The following DLAT variants were observed in gnomAD, a reference collection of about 807,000 sequenced individuals.
DLAT encodes dihydrolipoamide S-acetyltransferase.
A neutral mutation model predicts 68.0 loss-of-function variants in DLAT; 43 were observed. That is an observed-to-expected ratio of 0.63 (90% CI 0.50 to 0.81). The LOEUF is 0.81. Ranked by LOEUF, DLAT falls within the 40% of genes least tolerant of loss-of-function variation. The probability of loss-of-function intolerance (pLI) is 0.00; values close to 1 mark genes in which losing one functional copy is unlikely to be tolerated. For synonymous variants in DLAT, 265 were observed against 288.6 expected (o/e 0.92, Z 0.83); for missense variants, 745 against 815.4 (o/e 0.91, Z 1.05).
At position 112,062,872 on chromosome 11, in the gene DLAT, A is replaced by G. The variant is rs1409913045; in HGVS notation, c.*337A>G. 1 of 282,308 alleles carries G rather than the reference A, an allele frequency of 3.5e-6. No homozygotes were observed. Among genetic ancestry groups the G allele is most frequent in the Non-Finnish European group, 6.9e-6 (1 of 144,658 alleles). The allele number at this position is 282,308 out of a possible 1,614,324, so 17.5% of individuals were successfully genotyped here. A position where few individuals can be genotyped will look rare whatever the true frequency, so the allele number is the denominator to read the frequency against. On this transcript the variant is annotated 3_prime_UTR_variant, in exon 14 of 14. Coordinates refer to ENST00000280346, the MANE Select transcript of DLAT (RefSeq NM_001931.5). ...TGGTTCCCTAAAGACAAGTACATAA[A>G]GGTGACCCTGATGAAACCTTGAAGT...
intron 7 of DLAT, among the ~76,000 whole-genome samples, chr11:112,041,194 A>G (rs782819034): frequency 6.6e-6 from 1 of 152,170 alleles, no homozygotes; most frequent in Non-Finnish European, 1.5e-5. Context: ...TTGTGTCACA[A>G]TTTCTTTGTA....
intron 7 of DLAT, among the ~76,000 whole-genome samples, chr11:112,040,827 A>G (rs1863014736): frequency 6.6e-6 from 1 of 152,162 alleles, no homozygotes; most frequent in African/African-American, 2.4e-5. Flanking sequence ...AATTTAGACA[A>G]GCAAAGAAGG....
chr11:112,027,734 C>T (rs1389881759), intron 2 of DLAT, among the ~76,000 whole-genome samples: 2 of 152,216 alleles, frequency 1.3e-5, no homozygotes, highest in African/African-American at 2.4e-5. Flanking sequence ...CCCGTCTCCA[C>T]CAAAAAAATA....
rs887357265 is a variant in DLAT, at chr11:112,051,913, T to C, written c.1514+564T>C. On this transcript the variant is annotated intron_variant, in intron 11 of 13. Transcript: ENST00000280346. This position sits in a 1 kb window ranked among gnomAD's most constrained non-coding sequence, Gnocchi z 4.3. ...TTAATAATACAATGGTATAGAGTAG[T>C]ATGGTACTCAGTGTGTCTCTTTTAT... 5.9e-5 allele frequency among the ~76,000 whole-genome samples: 9 copies of C among 152,174 alleles called. No individual in the cohort carries two copies. Among genetic ancestry groups the C allele is most frequent in the Non-Finnish European group, 1.2e-4 (8 of 68,038 alleles).
chr11:112,027,579 G>A (rs1262325791), intron 2 of DLAT, among the ~76,000 whole-genome samples: 2 of 152,130 alleles, frequency 1.3e-5, no homozygotes, highest in Non-Finnish European at 2.9e-5. Flanking sequence ...AGCGAGCCGA[G>A]ATCACGCCAC....
At position 112,028,777 on chromosome 11, in the gene DLAT, C is replaced by T. The variant is rs1338276738; in HGVS notation, c.507-15C>T. 3 of 1,614,138 alleles carry T rather than the reference C, an allele frequency of 1.9e-6. No individual in the cohort carries two copies. Among genetic ancestry groups the T allele is most frequent in the African/African-American group, 1.3e-5 (1 of 75,018 alleles). On this transcript the variant is annotated splice_polypyrimidine_tract_variant and intron_variant, in intron 3 of 13. Transcript: ENST00000280346. ...AATCTGCCCATTATATTTATGCATT[C>T]TTTCTCTTCCTTAGGCCTGAGGATA...
In DLAT at chr11:112,045,092, T is replaced by C. The variant is rs782585114; in HGVS notation, c.1198-46T>C. The C allele has an allele frequency of 6.8e-6, 10 of 1,467,310 alleles. No homozygotes were observed. The East Asian group carries it at 2.0e-4, about 30-fold the overall frequency. The allele number at this position is 1,467,310 out of a possible 1,614,324, so 90.9% of individuals were successfully genotyped here. A position where few individuals can be genotyped will look rare whatever the true frequency, so the allele number is the denominator to read the frequency against. ...GGCAGTCTTTCCCAGGTACTTACGC[T>C]AAGATTGAATCACAGTTACTAAGAG... On this transcript the variant is annotated intron_variant, in intron 8 of 13. Coordinates refer to ENST00000280346, the MANE Select transcript of DLAT (RefSeq NM_001931.5).
chr11:112,036,167 A>ATGTG (rs1311809853), intron 5 of DLAT, among the ~76,000 whole-genome samples: 2,170 of 82,480 alleles, frequency 0.026, 73 homozygotes, highest in African/African-American at 0.044. Context: ...GTGTGTATAT[A>ATGTG]TGTGTGTGTG....
intron 2 of DLAT, among the ~76,000 whole-genome samples, chr11:112,027,968 G>A (rs587682475): frequency 6.6e-6 from 1 of 150,776 alleles, no homozygotes; most frequent in South Asian, 2.1e-4. Context: ...TTGTTTTAAA[G>A]TAACGGAGAT....
chr11:112,057,551 T>C (rs1300295375), intron 11 of DLAT, among the ~76,000 whole-genome samples: 1 of 152,164 alleles, frequency 6.6e-6, no homozygotes, highest in Non-Finnish European at 1.5e-5. Context: ...TTTTGAGTGG[T>C]CTAGATAAAA....
chr11:112,059,790 AACAC>A, intron 11 of DLAT, 109 bp from the exon 12 acceptor site: 1 of 842,150 alleles, frequency 1.2e-6, no homozygotes. Flanking sequence ...GCTGAACAAT[AACAC>A]ACATTGGTTC....
Position 112,064,130 on chromosome 11 carries a change from G to T in DLAT, c.*1595G>T. On this transcript the variant is annotated 3_prime_UTR_variant, in exon 14 of 14. Transcript: ENST00000280346. ...CCAAAAGAAACAAGCTTATCACAAG[G>T]GACCATCATCAATATGATCCAAATC... The T allele has an allele frequency of 1.4e-6, 2 of 1,467,484 alleles. No individual in the cohort carries two copies. Among genetic ancestry groups the T allele is most frequent in the Non-Finnish European group, 9.2e-7 (1 of 1,089,196 alleles). The allele number at this position is 1,467,484 out of a possible 1,614,324, so 90.9% of individuals were successfully genotyped here.
intron 5 of DLAT, among the ~76,000 whole-genome samples, chr11:112,034,317 A>G (rs972883168): frequency 3.3e-5 from 5 of 152,312 alleles, no homozygotes; most frequent in Admixed American, 3.3e-4. Flanking sequence ...TCATAGTTTG[A>G]GAATGACTGA....
intron 11 of DLAT, among the ~76,000 whole-genome samples, chr11:112,058,859 C>A (rs1287883774): frequency 6.6e-6 from 1 of 151,996 alleles, no homozygotes; most frequent in Non-Finnish European, 1.5e-5. Flanking sequence ...TGAGTGAATA[C>A]AGAAGCACAT....
At chr11:112,036,199 G>GT (rs1862749516) in intron 5 of DLAT, among the ~76,000 whole-genome samples, 878 of 51,888 alleles carry the variant, frequency 0.017, 44 homozygotes, top group Non-Finnish European at 0.024. Context: ...GTGTGTGTGT[G>GT]TGTTTTTTTT....
chr11:112,031,227 G>A (rs1373424320), intron 4 of DLAT, among the ~76,000 whole-genome samples: 9 of 152,010 alleles, frequency 5.9e-5, no homozygotes, highest in Non-Finnish European at 1.0e-4. Context: ...TTTCCTCTCC[G>A]CATAATCCTG....
chr11:112,046,862 C>A (rs587632217), intron 10 of DLAT, among the ~76,000 whole-genome samples: 1 of 152,264 alleles, frequency 6.6e-6, no homozygotes, highest in East Asian at 1.9e-4. Flanking sequence ...TTTATCCAGT[C>A]TATCATTGAT....
rs1475158269 is a variant in DLAT at position 112,051,684 on chromosome 11, G to T, written c.1514+335G>T. ...CAGCCTCGGCCTCCCAAAGTTCTGG[G>T]ATTTCAGGTGTGAGCCACAGTGTCC... On this transcript the variant is annotated intron_variant, in intron 11 of 13. Coordinates refer to ENST00000280346, the MANE Select transcript of DLAT (RefSeq NM_001931.5). The surrounding 1 kb of genome is among the most constrained non-coding windows in gnomAD (Gnocchi z 4.3). Among the ~76,000 whole-genome samples the T allele has an allele frequency of 6.6e-6, 1 of 152,100 alleles. No individual in the cohort carries two copies.
chr11:112,055,042 G>T (rs1863922508), intron 11 of DLAT, among the ~76,000 whole-genome samples: 1 of 151,946 alleles, frequency 6.6e-6, no homozygotes, highest in Non-Finnish European at 1.5e-5. Context: ...TCCAAATAAG[G>T]TCACATTGAT....
Sources: gnomAD v4.1 joint callset for allele counts (sites outside exome capture counted in the v4.1 genomes callset) on GRCh38, gnomAD v4.1.1 for gene constraint, Gnocchi (gnomAD v3.1) non-coding constraint, MANE v1.5 for transcripts, NCBI Gene and HGNC (gene_info 2026-07-23, HGNC 2026-07-21) for gene names.